Variants in ST3GAL3 observed in about 807,000 individuals in gnomAD.
ST3GAL3 encodes the protein CMP-N-acetylneuraminate-beta-1,4-galactoside alpha-2,3-sialyltransferase.
Under a neutral mutation model 50.1 loss-of-function variants are expected in ST3GAL3, and 21 were observed. That is an observed-to-expected ratio of 0.42 (90% CI 0.30 to 0.60). The LOEUF is 0.60. ST3GAL3 is among the 20% of genes least tolerant of loss of function. The pLI, the probability that ST3GAL3 is intolerant of heterozygous loss-of-function variation, is 0.19. For missense variants in ST3GAL3, 353 were observed against 489.4 expected (o/e 0.72, Z 2.63); for synonymous variants, 183 against 190.0 (o/e 0.96, Z 0.30).
intron 3 of ST3GAL3, among the ~76,000 whole-genome samples, chr1:43,810,730 A>G (rs989781416): frequency 4.6e-5 from 7 of 152,088 alleles, no homozygotes; most frequent in Non-Finnish European, 1.0e-4. Flanking sequence ...TTTCCCCAGG[A>G]GTTTCGCCCT....
intron 3 of ST3GAL3, among the ~76,000 whole-genome samples, chr1:43,792,571 C>A (rs975011795): frequency 6.6e-6 from 1 of 152,202 alleles, no homozygotes; most frequent in Non-Finnish European, 1.5e-5. Flanking sequence ...TGAGGACATA[C>A]ACTCCATTGC....
chr1:43,760,872 C>T (rs570804218), intron 2 of ST3GAL3, among the ~76,000 whole-genome samples: 19 of 152,170 alleles, frequency 1.2e-4, no homozygotes, highest in African/African-American at 4.3e-4. Context: ...TATATCCAAA[C>T]GATGGACTGT....
intron 4 of ST3GAL3, among the ~76,000 whole-genome samples, chr1:43,817,891 T>TTTCC: frequency 7.5e-6 from 1 of 133,450 alleles, no homozygotes; most frequent in African/African-American, 2.7e-5. Flanking sequence ...TCCTTCTTTC[T>TTTCC]TCTTTCTTTT....
chr1:43,773,680 AAAAAC>A (rs1276685572), intron 2 of ST3GAL3, among the ~76,000 whole-genome samples: 3 of 152,214 alleles, frequency 2.0e-5, no homozygotes, highest in Non-Finnish European at 4.4e-5. Flanking sequence ...CACCTCCTGA[AAAAAC>A]AAAGTTTTTC....
At chr1:43,843,908 T>A (rs1347430224) in intron 5 of ST3GAL3, among the ~76,000 whole-genome samples, 1 of 152,188 alleles carries the variant, frequency 6.6e-6, no homozygotes, top group East Asian at 1.9e-4. Flanking sequence ...AGACTATACC[T>A]CACTTCAGAT....
In ST3GAL3 at chr1:43,840,030, C is replaced by CT. The variant is rs529923605; in HGVS notation, c.302+1735dup. ...TTGGAGATTACATTTTTTTCCCTTC[C>CT]TTTTTTTTTTTTTTTTGAGACAGGG... On this transcript the variant is annotated intron_variant, in intron 5 of 11. Coordinates refer to ENST00000347631, the MANE Select transcript of ST3GAL3 (RefSeq NM_006279.5). 9.3e-3 allele frequency: 1,317 copies of CT among 141,332 alleles called. 11 individuals are homozygous for CT. Among genetic ancestry groups the CT allele is most frequent in the African/African-American group, 0.025 (956 of 38,666 alleles). The allele number at this position is 141,332 out of a possible 1,614,324, so 8.8% of individuals were successfully genotyped here.
At chr1:43,783,828 G>A (rs1700121038) in intron 2 of ST3GAL3, among the ~76,000 whole-genome samples, 1 of 152,110 alleles carries the variant, frequency 6.6e-6, no homozygotes, top group African/African-American at 2.4e-5. Flanking sequence ...TGTTGCCCTA[G>A]GGGATGTCCT....
intron 2 of ST3GAL3, among the ~76,000 whole-genome samples, chr1:43,771,440 C>T (rs2154132691): frequency 6.6e-6 from 1 of 151,948 alleles, no homozygotes; most frequent in Admixed American, 6.5e-5. Context: ...TCACCGCAGG[C>T]TCCGCCCCCG....
chr1:43,762,246 C>T (rs1690756170), intron 2 of ST3GAL3, among the ~76,000 whole-genome samples: 1 of 145,580 alleles, frequency 6.9e-6, no homozygotes, highest in Non-Finnish European at 1.5e-5. Flanking sequence ...AGCAACAGAG[C>T]AAGACCCTGT....
At chr1:43,898,909 T>C (rs2077799647) in intron 7 of ST3GAL3, among the ~76,000 whole-genome samples, 1 of 152,186 alleles carries the variant, frequency 6.6e-6, no homozygotes, top group Non-Finnish European at 1.5e-5. Context: ...CACCCACGCC[T>C]GGCACCCAAG....
intron 5 of ST3GAL3, chr1:43,879,505 G>A (rs1043673958): frequency 1.6e-5 from 7 of 436,612 alleles, no homozygotes; most frequent in South Asian, 3.2e-5. Flanking sequence ...GCAGTGGAGA[G>A]AGGTAAGTGG....
chr1:43,856,321 G>A (rs951715541), intron 5 of ST3GAL3, among the ~76,000 whole-genome samples: 3 of 152,038 alleles, frequency 2.0e-5, no homozygotes, highest in East Asian at 1.9e-4. Context: ...AACCCTTTAC[G>A]ACAACCCCGT....
chr1:43,926,600 C>T (rs915758644), intron 11 of ST3GAL3, among the ~76,000 whole-genome samples: 19 of 100,038 alleles, frequency 1.9e-4, no homozygotes, highest in Admixed American at 1.8e-3. Flanking sequence ...AGTGAAACTC[C>T]GTCTCAAAAA....
chr1:43,734,461 G>A (rs1677461998), intron 1 of ST3GAL3, among the ~76,000 whole-genome samples: 1 of 151,174 alleles, frequency 6.6e-6, no homozygotes, highest in Non-Finnish European at 1.5e-5. Flanking sequence ...CACACTACTA[G>A]GCCTGGCTAA....
intron 5 of ST3GAL3, chr1:43,858,013 C>A (rs1172966781): frequency 8.3e-6 from 5 of 603,276 alleles, no homozygotes; most frequent in Admixed American, 6.0e-5. Context: ...ACCGATCCCT[C>A]TTCACAGATG....
intron 5 of ST3GAL3, among the ~76,000 whole-genome samples, chr1:43,888,525 T>G (rs780064210): frequency 6.6e-6 from 1 of 151,912 alleles, no homozygotes; most frequent in Non-Finnish European, 1.5e-5. Context: ...ATTTTGTAAC[T>G]GTATCTCAGA....
chr1:43,885,939 G>C (rs1337933892), intron 5 of ST3GAL3, among the ~76,000 whole-genome samples: 1 of 152,238 alleles, frequency 6.6e-6, no homozygotes, highest in African/African-American at 2.4e-5. Flanking sequence ...GAGAAATAGG[G>C]AGAGACTTGT....
At chr1:43,902,326 T>G (rs1414600803) in intron 9 of ST3GAL3, among the ~76,000 whole-genome samples, 1 of 152,208 alleles carries the variant, frequency 6.6e-6, no homozygotes, top group Non-Finnish European at 1.5e-5. Context: ...CAGTCACAGC[T>G]GCTTCCTGCC....
chr1:43,855,581 G>A (rs2068189415), intron 5 of ST3GAL3, among the ~76,000 whole-genome samples: 1 of 151,124 alleles, frequency 6.6e-6, no homozygotes, highest in Non-Finnish European at 1.5e-5. Flanking sequence ...TTGCATTCCA[G>A]CCTGAGCGAC....
Sources: allele counts gnomAD v4.1 joint callset (sites outside exome capture counted in the v4.1 genomes callset), GRCh38; gene constraint gnomAD v4.1.1; transcripts MANE v1.5; gene names NCBI Gene and HGNC (gene_info 2026-07-23, HGNC 2026-07-21).